The following LAMA3 variants were observed in gnomAD, a reference collection of about 807,000 sequenced individuals.
The protein encoded by LAMA3 is laminin subunit alpha-3.
LAMA3 carries 281 observed loss-of-function variants against 402.0 expected under a neutral mutation model. The observed-to-expected ratio is 0.70, with a 90% CI of 0.63 to 0.77. The LOEUF (loss-of-function observed/expected upper bound fraction) is 0.77. LAMA3 is among the 30% of genes least tolerant of loss of function. LAMA3 has a pLI of 0.00. For synonymous variants in LAMA3, 1,431 were observed against 1,558.4 expected (o/e 0.92, Z 1.93); for missense variants, 3,840 against 4,215.5 (o/e 0.91, Z 2.47).
chr18:23,888,084 C>A (rs2080500190), intron 41 of LAMA3, among the ~76,000 whole-genome samples: 1 of 152,104 alleles, frequency 6.6e-6, no homozygotes, highest in South Asian at 2.1e-4. Flanking sequence ...AGAAAGACAT[C>A]AAAAATAAAG....
intron 20 of LAMA3, among the ~76,000 whole-genome samples, chr18:23,823,744 T>A (rs938068738): frequency 3.9e-5 from 6 of 152,248 alleles, no homozygotes; most frequent in African/African-American, 1.2e-4. Flanking sequence ...AAAGTCTCAA[T>A]TGAACTTAGA....
chr18:23,825,068 G>T (rs994039502), intron 21 of LAMA3, among the ~76,000 whole-genome samples: 9 of 152,210 alleles, frequency 5.9e-5, no homozygotes, highest in Non-Finnish European at 1.2e-4. Flanking sequence ...GTTCTTGGGG[G>T]TGGAAAGAGA....
Position 23,857,895 on chromosome 18 carries a change from T to C in LAMA3, c.4188T>C (p.Phe1396=). 1 of 1,614,232 alleles carries C rather than the reference T, an allele frequency of 6.2e-7. No homozygotes were observed. Among genetic ancestry groups the C allele is most frequent in the Non-Finnish European group, 8.5e-7 (1 of 1,180,042 alleles). The change falls in exon 33 of 75, where the codon TTT becomes TTC. Residue 1396 remains phenylalanine (F), a synonymous_variant. Coordinates refer to ENST00000313654, the MANE Select transcript of LAMA3 (RefSeq NM_198129.4). ...GRQCDRCASG[F]YRFPECVPCN... Reference sequence around the variant, plus strand: ...AGTGTGACCGATGTGCTTCCGGGTTTTACCGCTTTCCTGAGTGTGTTCCCT... The same window carrying C: ...AGTGTGACCGATGTGCTTCCGGGTTCTACCGCTTTCCTGAGTGTGTTCCCT...
chr18:23,788,662 C>G (rs889321422), intron 12 of LAMA3, among the ~76,000 whole-genome samples: 2 of 151,690 alleles, frequency 1.3e-5, no homozygotes, highest in Admixed American at 6.6e-5. Flanking sequence ...AACTATAAAT[C>G]TCTTAGAATA....
At chr18:23,739,449 A>G (rs965371686) in intron 2 of LAMA3, among the ~76,000 whole-genome samples, 1 of 152,240 alleles carries the variant, frequency 6.6e-6, no homozygotes, top group Non-Finnish European at 1.5e-5. Flanking sequence ...CCCTTTAGAA[A>G]TGTAGTCAAA....
chr18:23,927,980 TATGGGAATCCC>T, intron 62 of LAMA3, 132 bp from the exon 63 acceptor site: 1 of 735,054 alleles, frequency 1.4e-6, no homozygotes, highest in Admixed American at 1.8e-5. Context: ...TAAGTAGCAT[TATGGGAATCCC>T]ATGGGAAAGG....
chr18:23,794,712 G>A (rs1412126136), intron 12 of LAMA3, among the ~76,000 whole-genome samples: 3 of 152,184 alleles, frequency 2.0e-5, no homozygotes, highest in East Asian at 1.9e-4. Context: ...GAAAAGGGCC[G>A]TGGGAGTTAG....
intron 1 of LAMA3, among the ~76,000 whole-genome samples, chr18:23,712,305 G>C (rs1216317972): frequency 6.6e-6 from 1 of 151,334 alleles, no homozygotes; most frequent in East Asian, 1.9e-4. Context: ...GCTTGAACCT[G>C]GGGGCGGAGG....
chr18:23,818,469 CT>C (rs1441834339), intron 18 of LAMA3, among the ~76,000 whole-genome samples: 1 of 152,208 alleles, frequency 6.6e-6, no homozygotes, highest in Admixed American at 6.5e-5. Context: ...GCCGGAGCAC[CT>C]TGTCTCCAAC....
At position 23,858,212 on chromosome 18, in the gene LAMA3, C is replaced by T. The variant is rs372698990; in HGVS notation, c.4281+224C>T. On this transcript the variant is annotated intron_variant, in intron 33 of 74. Transcript: ENST00000313654. Reference sequence around the variant, plus strand: ...CTCAGACCGCCTTAGAATCTGATGACGGATATAGACCCTTTCCAGAAAAAT... The same window carrying T: ...CTCAGACCGCCTTAGAATCTGATGATGGATATAGACCCTTTCCAGAAAAAT... Among the ~76,000 whole-genome samples, 67 of 152,286 alleles carry T rather than the reference C, an allele frequency of 4.4e-4. 1 individual carries two copies. In the East Asian group the frequency reaches 6.4e-3, roughly 14 times the overall value.
chr18:23,784,042 A>T lies in LAMA3; in HGVS notation c.1488A>T (p.Glu496Asp). 1.2e-6 allele frequency: 2 copies of T among 1,614,132 alleles called. No homozygotes were observed. The highest frequency in any genetic ancestry group is 8.5e-7 in the Non-Finnish European group (1 of 1,180,006). The change falls in exon 12 of 75, where the codon GAA becomes GAT. Residue 496 changes from glutamate (E) to aspartate (D), a missense_variant. By Grantham distance (45) the Glu-to-Asp change is conservative. Transcript: ENST00000313654. Reference sequence around the variant, plus strand: ...CTGCAGGGTGTGACTGTAATCTGGAAGGTGTTCTCCCTGAAATATGTGATG... The same window carrying T: ...CTGCAGGGTGTGACTGTAATCTGGATGGTGTTCTCCCTGAAATATGTGATG... ...GDIKGCDCNL[E>D]GVLPEICDAH...
chr18:23,855,418 C>T (rs2064051513), intron 32 of LAMA3, among the ~76,000 whole-genome samples: 1 of 152,204 alleles, frequency 6.6e-6, no homozygotes, highest in South Asian at 2.1e-4. Flanking sequence ...CATCTGCTCT[C>T]TCTTCTTTCC....
intron 68 of LAMA3, among the ~76,000 whole-genome samples, chr18:23,942,028 C>T (rs1292659552): frequency 6.6e-6 from 1 of 152,192 alleles, no homozygotes; most frequent in Non-Finnish European, 1.5e-5. Flanking sequence ...TTTTGAAGAA[C>T]ATTGCCCTCA....
At chr18:23,720,424 G>A (rs2061189284) in intron 2 of LAMA3, among the ~76,000 whole-genome samples, 2 of 151,840 alleles carry the variant, frequency 1.3e-5, no homozygotes, top group Non-Finnish European at 2.9e-5. Flanking sequence ...GCGCAATCTC[G>A]GCTGACTGCA....
At chr18:23,745,824 T>C (rs565442815) in intron 2 of LAMA3, among the ~76,000 whole-genome samples, 1 of 152,338 alleles carries the variant, frequency 6.6e-6, no homozygotes, top group South Asian at 2.1e-4. Context: ...TGTGGGAGTT[T>C]GGTGGAAGGG....
At chr18:23,742,491 A>C (rs2061580245) in intron 2 of LAMA3, among the ~76,000 whole-genome samples, 3 of 152,346 alleles carry the variant, frequency 2.0e-5, no homozygotes, top group African/African-American at 7.2e-5. Flanking sequence ...TAGACATGAA[A>C]ATGTTGAATT....
chr18:23,912,950 T>C (rs2081485064), intron 56 of LAMA3, 69 bp downstream of exon 56: 1 of 1,402,860 alleles, frequency 7.1e-7, no homozygotes, highest in Non-Finnish European at 1.0e-6. Context: ...TTTTGAGATG[T>C]GTGGCACGGC....
chr18:23,935,134 C>T (rs760666858), intron 67 of LAMA3, among the ~76,000 whole-genome samples: 2 of 152,136 alleles, frequency 1.3e-5, no homozygotes. Flanking sequence ...AATCTATTTA[C>T]AGGATAGAAT....
chr18:23,736,247 T>C (rs1451423640), intron 2 of LAMA3, among the ~76,000 whole-genome samples: 3 of 150,776 alleles, frequency 2.0e-5, no homozygotes, highest in Non-Finnish European at 4.4e-5. Context: ...TTTTAATGTA[T>C]GTATTTTTAG....
Sources: gnomAD v4.1 joint callset for allele counts (sites outside exome capture counted in the v4.1 genomes callset) on GRCh38, gnomAD v4.1.1 for gene constraint, MANE v1.5 for transcripts, NCBI Gene and HGNC (gene_info 2026-07-23, HGNC 2026-07-21) for gene names.